TMEM229B: variants seen among roughly 807,000 people sequenced by gnomAD.
TMEM229B encodes transmembrane protein 229B.
A neutral mutation model predicts 13.7 loss-of-function variants in TMEM229B; 6 were observed. The observed-to-expected ratio is 0.44, with a 90% CI of 0.24 to 0.86. The LOEUF is 0.86. Ranked by LOEUF, TMEM229B falls within the 40% of genes least tolerant of loss-of-function variation. The probability of loss-of-function intolerance (pLI) is 0.23; values close to 1 mark genes in which losing one functional copy is unlikely to be tolerated. For synonymous variants in TMEM229B, 107 were observed against 102.1 expected (o/e 1.05, Z -0.29); for missense variants, 170 against 236.0 (o/e 0.72, Z 1.83).
intron 1 of TMEM229B, among the ~76,000 whole-genome samples, chr14:67,531,617 A>G (rs969235142): frequency 1.3e-5 from 2 of 151,906 alleles, no homozygotes; most frequent in African/African-American, 4.8e-5. Context: ...ACAAAGTTAT[A>G]TTAAATGAGT....
chr14:67,519,060 GA>G (rs2033250936), upstream of TMEM229B, among the ~76,000 whole-genome samples: 1 of 152,214 alleles, frequency 6.6e-6, no homozygotes. Flanking sequence ...AGAACTGGGG[GA>G]TGGGACATAT....
intron 1 of TMEM229B, among the ~76,000 whole-genome samples, chr14:67,502,205 C>T (rs1241353268): frequency 6.6e-6 from 1 of 151,908 alleles, no homozygotes; most frequent in Non-Finnish European, 1.5e-5. Context: ...GTGGCATGCG[C>T]CTGTAGTCCC....
chr14:67,496,031 G>A (rs376371970), intron 1 of TMEM229B, among the ~76,000 whole-genome samples: 4 of 152,218 alleles, frequency 2.6e-5, no homozygotes, highest in Non-Finnish European at 4.4e-5. Context: ...GTTAGATAAC[G>A]CACAGCCAAA....
At chr14:67,518,259 C>G (rs911075692), upstream of TMEM229B, among the ~76,000 whole-genome samples, 1 of 152,230 alleles carries the variant, frequency 6.6e-6, no homozygotes, top group Non-Finnish European at 1.5e-5. Flanking sequence ...AGGCTTTGCT[C>G]AAGCAAACTT....
chr14:67,515,858 A>AGCCATG (rs1345759992), upstream of TMEM229B, among the ~76,000 whole-genome samples: 1 of 152,224 alleles, frequency 6.6e-6, no homozygotes, highest in Admixed American at 6.5e-5. Flanking sequence ...TCATGGAAAC[A>AGCCATG]GCCATGTAAG....
At chr14:67,474,177 G>A (rs1267061071) in intron 2 of TMEM229B, among the ~76,000 whole-genome samples, 8 of 151,904 alleles carry the variant, frequency 5.3e-5, no homozygotes, top group Non-Finnish European at 1.2e-4. Context: ...GCTTGAACCC[G>A]CAAGGCAGAG....
chr14:67,519,717 T>TG (rs927948374), upstream of TMEM229B, among the ~76,000 whole-genome samples: 1 of 150,508 alleles, frequency 6.6e-6, no homozygotes, highest in East Asian at 2.0e-4. Context: ...TAAGTTTGTT[T>TG]TTTTTTTTTT....
chr14:67,532,167 C>T (rs1566713932), intron 1 of TMEM229B, among the ~76,000 whole-genome samples: 1 of 152,186 alleles, frequency 6.6e-6, no homozygotes, highest in African/African-American at 2.4e-5. Flanking sequence ...TCCTTAGTGT[C>T]TGGGCTCTCA....
chr14:67,489,789 G>T (rs2032083163), upstream of TMEM229B, among the ~76,000 whole-genome samples: 1 of 152,182 alleles, frequency 6.6e-6, no homozygotes, highest in African/African-American at 2.4e-5. Flanking sequence ...AGGAGATCGA[G>T]ACCATCCTGG....
At chr14:67,519,276 T>C (rs1398451033), upstream of TMEM229B, among the ~76,000 whole-genome samples, 1 of 152,150 alleles carries the variant, frequency 6.6e-6, no homozygotes, top group Non-Finnish European at 1.5e-5. Flanking sequence ...GAAATTTCAT[T>C]GGAAAAGAAT....
intron 1 of TMEM229B, among the ~76,000 whole-genome samples, chr14:67,511,786 T>A (rs542244280): frequency 6.6e-6 from 1 of 152,160 alleles, no homozygotes; most frequent in Non-Finnish European, 1.5e-5. Context: ...GCATGAAGTA[T>A]AGCCTCACAG....
chr14:67,507,545 C>T (rs2140225359), intron 1 of TMEM229B, among the ~76,000 whole-genome samples: 1 of 152,070 alleles, frequency 6.6e-6, no homozygotes, highest in South Asian at 2.1e-4. Flanking sequence ...ACCTCCCAGG[C>T]TTAAGTGATC....
intron 2 of TMEM229B, among the ~76,000 whole-genome samples, chr14:67,474,303 AC>A (rs1315872317): frequency 1.3e-5 from 2 of 150,890 alleles, no homozygotes; most frequent in Non-Finnish European, 3.0e-5. Flanking sequence ...TAACCCACCC[AC>A]CCCACTGACT....
chr14:67,532,937 C>T (rs2033513836), intron 1 of TMEM229B, among the ~76,000 whole-genome samples: 1 of 151,988 alleles, frequency 6.6e-6, no homozygotes. Context: ...TCTGGCCACC[C>T]CTTGCGGCAG....
chr14:67,486,819 C>T (rs546507065), intron 2 of TMEM229B, among the ~76,000 whole-genome samples, 181 bp downstream of exon 2: 4 of 152,266 alleles, frequency 2.6e-5, no homozygotes, highest in African/African-American at 7.2e-5. Flanking sequence ...GGCCATAAGA[C>T]GGCTCCCGCA....
At chr14:67,523,550 T>C (rs929907397) in intron 1 of TMEM229B, among the ~76,000 whole-genome samples, 5 of 152,204 alleles carry the variant, frequency 3.3e-5, no homozygotes, top group African/African-American at 1.2e-4. Context: ...TACCCTGTGC[T>C]CCAAGTAATG....
chr14:67,522,953 C>A (rs1017921170), intron 1 of TMEM229B, among the ~76,000 whole-genome samples: 2 of 152,158 alleles, frequency 1.3e-5, no homozygotes, highest in African/African-American at 4.8e-5. Context: ...TCTCAGATGC[C>A]AATTAATTAA....
intron 1 of TMEM229B, among the ~76,000 whole-genome samples, chr14:67,497,787 C>T (rs1439728170): frequency 6.6e-6 from 1 of 151,592 alleles, no homozygotes; most frequent in Non-Finnish European, 1.5e-5. Flanking sequence ...CAGCACCTCT[C>T]CTGGTATTTG....
At chr14:67,493,523 A>G (rs1370701086), upstream of TMEM229B, among the ~76,000 whole-genome samples, 3 of 152,250 alleles carry the variant, frequency 2.0e-5, no homozygotes, top group South Asian at 4.2e-4. Context: ...TGCAGGAGTA[A>G]ATTGCCTTGC....
Sources: gnomAD v4.1 joint callset for allele counts (sites outside exome capture counted in the v4.1 genomes callset) on GRCh38, gnomAD v4.1.1 for gene constraint, MANE v1.5 for transcripts, NCBI Gene and HGNC (gene_info 2026-07-23, HGNC 2026-07-21) for gene names.